The following KMT2D variants were observed in gnomAD, a reference collection of about 807,000 sequenced individuals.
KMT2D encodes lysine methyltransferase 2D.
In KMT2D, 55 loss-of-function variants were observed where a neutral mutation model predicts 512.7. The ratio of observed to expected loss-of-function variants is 0.11; its 90% confidence interval spans 0.09 to 0.13. The LOEUF is 0.13. KMT2D is among the 10% of genes least tolerant of loss of function. The pLI is 1.00. For missense variants in KMT2D, 6,061 were observed against 7,127.9 expected, an observed-to-expected ratio of 0.85 and a Z score of 5.39; for synonymous variants, 2,995 against 2,904.0, an observed-to-expected ratio of 1.03 and a Z score of -1.01.
chr12:49,047,340 G>A (rs947087821), intron 15 of KMT2D, among the ~76,000 whole-genome samples: 1 of 150,146 alleles, frequency 6.7e-6, no homozygotes, highest in Non-Finnish European at 1.5e-5. Flanking sequence ...GAATAGAATA[G>A]CAATCTTTCC....
chr12:49,032,782 T>G lies in KMT2D; in HGVS notation c.11923A>C (p.Met3975Leu), dbSNP rs1050507734. ...GTTCGACTCTGGTTTAAAAGGCCCATCTGCTGCTGTTGCTGCTGCTGTTGA... is the reference window on the plus strand; with the variant it reads ...GTTCGACTCTGGTTTAAAAGGCCCAGCTGCTGCTGTTGCTGCTGCTGTTGA... ...QFQQQQQQQQ[M>L]GLLNQSRTLL... Residue 3975 changes from methionine to leucine, a missense_variant, in exon 40 of 55, where the codon ATG becomes CTG. Coordinates refer to ENST00000301067, the MANE Select transcript of KMT2D (RefSeq NM_003482.4). The G allele has an allele frequency of 3.2e-6, 5 of 1,557,174 alleles. No individual in the cohort carries two copies. The highest frequency in any genetic ancestry group is 4.3e-6 in the Non-Finnish European group (5 of 1,150,018).
Position 49,054,835 on chromosome 12 carries a change from T to G in KMT2D, c.176+65A>C. The G allele has an allele frequency of 1.2e-6, 2 of 1,603,766 alleles. No individual in the cohort carries two copies. The highest frequency in any genetic ancestry group is 1.1e-5 in the South Asian group (1 of 90,632). ...TGCCCATGCTTCCCCAACACTCATT[T>G]TCCTAAATTCTCTTCCTTGAAAGCC... is the stretch of plus-strand genomic sequence containing the variant. On this transcript the variant is annotated intron_variant, in intron 3 of 54. Coordinates refer to ENST00000301067, the MANE Select transcript of KMT2D (RefSeq NM_003482.4). This position sits in a 1 kb window ranked among gnomAD's most constrained non-coding sequence, Gnocchi z 6.4.
In KMT2D at chr12:49,039,799, C is replaced by T. The variant is rs773664593; in HGVS notation, c.7971G>A (p.Ala2657=). The T allele has an allele frequency of 9.3e-6, 15 of 1,613,860 alleles. No individual in the cohort carries two copies. Among genetic ancestry groups the T allele is most frequent in the Admixed American group, 5.0e-5 (3 of 60,004 alleles). The change falls in exon 32 of 55, where the codon GCG becomes GCA. Residue 2657 remains alanine (A), a synonymous_variant. Coordinates refer to ENST00000301067, the MANE Select transcript of KMT2D (RefSeq NM_003482.4). This position sits in a 1 kb window ranked among gnomAD's most constrained non-coding sequence, Gnocchi z 5.0. ...DPGTGMGSSL[A]TAELPGTQDP... ...CCTGGGTACCTGGGAGTTCAGCTGT[C>T]GCCAAAGAGCTACCCATTCCAGTCC... is the stretch of plus-strand genomic sequence containing the variant.
In KMT2D at chr12:49,040,557, A is replaced by T. The variant is rs2120530692; in HGVS notation, c.7213T>A (p.Ser2405Thr). The part of the protein sequence containing the change: ...CCALPPRSLP[S>T]DPFSRVPASP... ...GCAGGCACTCGGGAGAAAGGGTCGGAGGGCAGTGAGCGAGGGGGCAGAGCA... is the reference window on the plus strand; with the variant it reads ...GCAGGCACTCGGGAGAAAGGGTCGGTGGGCAGTGAGCGAGGGGGCAGAGCA... Residue 2405 changes from serine to threonine, a missense_variant, in exon 32 of 55, where the codon TCC (serine) becomes ACC (threonine). Physicochemically the swap from Ser to Thr is moderately conservative, Grantham distance 58 (BLOSUM62 1). Transcript: ENST00000301067. 6.2e-7 allele frequency: 1 copy of T among 1,610,884 alleles called. No individual in the cohort carries two copies. Among genetic ancestry groups the T allele is most frequent in the Non-Finnish European group, 8.5e-7 (1 of 1,178,204 alleles).
rs73302195 is a variant in KMT2D, at chr12:49,033,095, C to T, written c.11610G>A (p.Met3870Ile). 2.6e-3 allele frequency: 4,090 copies of T among 1,551,702 alleles called. 107 individuals are homozygous for T. In the African/African-American group the frequency reaches 0.049, roughly 18 times the overall value. The change falls in exon 40 of 55, where the codon ATG becomes ATA. Residue 3870 changes from methionine to isoleucine, a missense_variant. Met to Ile is a conservative substitution (Grantham distance 10). Coordinates refer to ENST00000301067, the MANE Select transcript of KMT2D (RefSeq NM_003482.4). The stretch of plus-strand genomic sequence containing the variant: ...TCTGCTGAAGATGGGACAGCCCTGC[C>T]ATGGACCCTTGCTGTTGGTGCTGTT... Reference protein sequence around the residue: ...QQQQHQQQGSMAGLSHLQQSL... With the variant: ...QQQQHQQQGSIAGLSHLQQSL...
At chr12:49,043,586 C>A (rs2120570475) in intron 24 of KMT2D, 49 bp downstream of exon 24, 1 of 1,609,226 alleles carries the variant, frequency 6.2e-7, no homozygotes, top group East Asian at 2.2e-5. Context: ...AGCTCCTAAG[C>A]CAGAAGAAAG....
intron 45 of KMT2D, 44 bp from the exon 46 acceptor site, chr12:49,029,002 C>A (rs1385193944): frequency 6.2e-7 from 1 of 1,609,414 alleles, no homozygotes; most frequent in South Asian, 1.1e-5. Flanking sequence ...GCCGCCTCTC[C>A]CCCAGCTTCG....
rs954630936 is a variant in KMT2D at position 49,030,497 on chromosome 12, C to G, written c.13840-58G>C. On this transcript the variant is annotated intron_variant, in intron 42 of 54. Transcript: ENST00000301067. ...GATGGCATAGGGAGACTGATATAAT[C>G]TCCTGGCCCCACTCTACGTCAGCAA... The G allele has an allele frequency of 2.8e-6, 4 of 1,409,586 alleles. No homozygotes were observed. In the African/African-American group the frequency reaches 5.6e-5, roughly 20 times the overall value. The allele number at this position is 1,409,586 out of a possible 1,614,324, so 87.3% of individuals were successfully genotyped here. A position where few individuals can be genotyped will look rare whatever the true frequency, so the allele number is the denominator to read the frequency against.
rs748446572 is a variant in KMT2D, at chr12:49,026,402, G to C, written c.15564C>G (p.Ile5188Met). 30 of 1,613,728 alleles carry C rather than the reference G, an allele frequency of 1.9e-5. 1 individual carries two copies. The South Asian group carries it at 3.2e-4, about 17-fold the overall frequency. ...CCATCTGGTGAGGCAGCAGCTGTCCGATGGCGTGGAACACAAGGCCCCCCA... is the reference window on the plus strand; with the variant it reads ...CCATCTGGTGAGGCAGCAGCTGTCCCATGGCGTGGAACACAAGGCCCCCCA... ...FRVGGLVFHA[I>M]GQLLPHQMAD... The change falls in exon 49 of 55, where the codon ATC (isoleucine) becomes ATG (methionine). Residue 5188 changes from isoleucine (I) to methionine (M), a missense_variant. By Grantham distance (10) the Ile-to-Met change is conservative. Coordinates refer to ENST00000301067, the MANE Select transcript of KMT2D (RefSeq NM_003482.4). This position sits in a 1 kb window ranked among gnomAD's most constrained non-coding sequence, Gnocchi z 9.6.
intron 49 of KMT2D, among the ~76,000 whole-genome samples, chr12:49,025,620 A>G (rs980925986): frequency 1.3e-5 from 2 of 152,214 alleles, no homozygotes; most frequent in African/African-American, 4.8e-5. Flanking sequence ...GTCATTTAGC[A>G]ATGCACGACT....
chr12:49,048,607 C>CCAAA (rs1937702851), intron 14 of KMT2D, 52 bp downstream of exon 14: 1 of 1,246,662 alleles, frequency 8.0e-7, no homozygotes, highest in Non-Finnish European at 1.2e-6. Flanking sequence ...TATCCTCTCA[C>CCAAA]CAAACACACA....
rs1432450447 is a variant in KMT2D, at chr12:49,059,704, C to T, written c.-129G>A. The T allele has an allele frequency of 2.6e-5, 4 of 152,008 alleles. No individual in the cohort carries two copies. The East Asian group carries it at 5.8e-4, about 22-fold the overall frequency. 9.4% of individuals were successfully genotyped at this position (152,008 alleles called of 1,614,324 possible). A position where few individuals can be genotyped will look rare whatever the true frequency, so the allele number is the denominator to read the frequency against. Reference sequence around the variant, plus strand: ...CTCCAACCGCCAGAGCGATCACAGCCGCCCCCCGCACGGGGGGGCTTAGGG... The same window carrying T: ...CTCCAACCGCCAGAGCGATCACAGCTGCCCCCCGCACGGGGGGGCTTAGGG... On this transcript the variant is annotated 5_prime_UTR_variant, in exon 1 of 55. Transcript: ENST00000301067.
intron 49 of KMT2D, among the ~76,000 whole-genome samples, chr12:49,025,941 C>T (rs1942558465): frequency 6.6e-6 from 1 of 152,112 alleles, no homozygotes; most frequent in South Asian, 2.1e-4. Context: ...GGGATAGCAA[C>T]AGAACTAGAA....
Position 49,040,855 on chromosome 12 carries a change from G to C in KMT2D, c.6915C>G (p.Gly2305=). 1 of 1,613,806 alleles carries C rather than the reference G, an allele frequency of 6.2e-7. No individual in the cohort carries two copies. The highest frequency in any genetic ancestry group is 1.3e-5 in the African/African-American group (1 of 75,024). The change falls in exon 32 of 55, where the codon GGC becomes GGG. Residue 2305 remains glycine (G), a synonymous_variant. Transcript: ENST00000301067. ...TGCCTGAGGAGGGTGAGTCAACAAA[G>C]CCCAGGTTTGGGGGCCCATAGCTAG... ...SSPSYGPPNL[G]FVDSPSSGTH... is the part of the protein sequence containing the mutation.
At chr12:49,058,269 C>T (rs1465464186) in intron 1 of KMT2D, among the ~76,000 whole-genome samples, 1 of 152,132 alleles carries the variant, frequency 6.6e-6, no homozygotes, top group Non-Finnish European at 1.5e-5. Context: ...GAAGTTGTTT[C>T]GGGACAAACG....
rs368767696 is a variant in KMT2D at position 49,041,132 on chromosome 12, C to A, written c.6638G>T (p.Gly2213Val). The A allele has an allele frequency of 6.5e-7, 1 of 1,526,762 alleles. No individual in the cohort carries two copies. The highest frequency in any genetic ancestry group is 8.8e-7 in the Non-Finnish European group (1 of 1,140,974). 94.6% of individuals were successfully genotyped at this position (1,526,762 alleles called of 1,614,324 possible). A position where few individuals can be genotyped will look rare whatever the true frequency, so the allele number is the denominator to read the frequency against. ...GCCAGCCCCAGGACGAGATGAGGCG[C>A]CCAGCATCGGGGGCTGCGCAGGGGC... ...TGAPAQPPML[G>V]ASSRPGAGQP... The change falls in exon 32 of 55, where the codon GGC becomes GTC. Residue 2213 changes from glycine (G) to valine (V), a missense_variant. Gly to Val is a moderately radical substitution (Grantham distance 109, BLOSUM62 -3). This residue lies in a region of KMT2D where 710 missense variants were observed against 647.3 expected (regional missense o/e 1.10). Transcript: ENST00000301067. The surrounding 1 kb of genome is among the most constrained non-coding windows in gnomAD (Gnocchi z 5.4).
rs1565820702 is a variant in KMT2D, at chr12:49,052,317, A to C, written c.1366T>G (p.Ser456Ala). The C allele has an allele frequency of 6.3e-7, 1 of 1,579,478 alleles. No individual in the cohort carries two copies. The highest frequency in any genetic ancestry group is 8.6e-7 in the Non-Finnish European group (1 of 1,160,984). The change falls in exon 11 of 55, where the codon TCA (serine) becomes GCA (alanine). Residue 456 changes from serine (S) to alanine (A), a missense_variant. Around this residue, in one of 16 missense-constraint regions of KMT2D, gnomAD observed 848 missense variants for 838.5 expected, o/e 1.01. Coordinates refer to ENST00000301067, the MANE Select transcript of KMT2D (RefSeq NM_003482.4). ...ESPLSPPPEESPTSPPPEASR... is the reference protein window; with the variant it reads ...ESPLSPPPEEAPTSPPPEASR... ...GCCTCAGGTGGTGGGGACGTGGGTGATTCCTCAGGTGGTGGGGACAGGGGT... is the reference window on the plus strand; with the variant it reads ...GCCTCAGGTGGTGGGGACGTGGGTGCTTCCTCAGGTGGTGGGGACAGGGGT...
rs775095349 is a variant in KMT2D, at chr12:49,034,653, G to C, written c.10369C>G (p.Leu3457Val). Residue 3457 changes from leucine (L) to valine (V), a missense_variant, in exon 37 of 55, where the codon CTG becomes GTG. By Grantham distance (32) the Leu-to-Val change is conservative. Around this residue, in one of 16 missense-constraint regions of KMT2D, gnomAD observed 533 missense variants for 539.6 expected, o/e 0.99. Coordinates refer to ENST00000301067, the MANE Select transcript of KMT2D (RefSeq NM_003482.4). Reference sequence around the variant, plus strand: ...CCCCCCGAGAGCCTCTGGGCTAGCAGAGACACTTGCTGTCTGGAGTCCACC... The same window carrying C: ...CCCCCCGAGAGCCTCTGGGCTAGCACAGACACTTGCTGTCTGGAGTCCACC... Reference protein sequence around the residue: ...APGMNRQQVSLLAQRLSGGPS... With the variant: ...APGMNRQQVSVLAQRLSGGPS... 2.5e-6 allele frequency: 4 copies of C among 1,613,390 alleles called. No homozygotes were observed. In the South Asian group the frequency reaches 4.4e-5, roughly 18 times the overall value.
rs1465332696 is a variant in KMT2D, at chr12:49,038,925, G to C, written c.8431C>G (p.Gln2811Glu). The C allele has an allele frequency of 7.1e-6, 11 of 1,551,768 alleles. No individual in the cohort carries two copies. The highest frequency in any genetic ancestry group is 9.6e-6 in the Non-Finnish European group (11 of 1,147,046). ...TGCCACAGTTGTTGCTGTTGCTGCT[G>C]TAAGGGCAGGGACCCAGGATAGGGT... is the stretch of plus-strand genomic sequence containing the variant. ...RAPYPGSLPL[Q>E]QQQQQLWQQQ... Residue 2811 changes from glutamine (Q) to glutamate (E), a missense_variant, in exon 35 of 55, where the codon CAG becomes GAG. Transcript: ENST00000301067. The surrounding 1 kb of genome is among the most constrained non-coding windows in gnomAD (Gnocchi z 5.7).
Sources: allele counts gnomAD v4.1 joint callset (sites outside exome capture counted in the v4.1 genomes callset), GRCh38; gene constraint gnomAD v4.1.1; regional missense constraint gnomAD v4.1.1; non-coding constraint Gnocchi (gnomAD v3.1); transcripts MANE v1.5; gene names NCBI Gene and HGNC (gene_info 2026-07-23, HGNC 2026-07-21).